Variants in OPCML observed in about 807,000 individuals in gnomAD.
OPCML encodes the protein opioid-binding protein/cell adhesion molecule.
A neutral mutation model predicts 37.8 loss-of-function variants in OPCML; 13 were observed. That is an observed-to-expected ratio of 0.34 (90% CI 0.22 to 0.55). OPCML has a LOEUF of 0.55. Among genes scored for constraint, OPCML ranks in the 20% least tolerant of loss-of-function variants. OPCML has a pLI of 0.91. For missense variants in OPCML, 341 were observed against 435.6 expected, an observed-to-expected ratio of 0.78 and a Z score of 1.93; for synonymous variants, 176 against 168.8, an observed-to-expected ratio of 1.04 and a Z score of -0.33.
At chr11:132,680,407 C>T (rs1228260197) in intron 2 of OPCML, among the ~76,000 whole-genome samples, 1 of 152,182 alleles carries the variant, frequency 6.6e-6, no homozygotes, top group Non-Finnish European at 1.5e-5. Flanking sequence ...AAACCCACCC[C>T]TTGAAGAAGT....
rs191733608 is a variant in OPCML, at chr11:133,514,909, T to C, written c.61+17355A>G. Among the ~76,000 whole-genome samples, 6 of 152,334 alleles carry C rather than the reference T, an allele frequency of 3.9e-5. No homozygotes were observed. The East Asian group carries it at 1.2e-3, about 29-fold the overall frequency. On this transcript the variant is annotated intron_variant, in intron 1 of 7. Transcript: ENST00000524381. The stretch of plus-strand genomic sequence containing the variant: ...TGCTCATTGAGAGAGTCAGTCCAGC[T>C]AAATTAATAATGCAGCTATGGTGCA...
At chr11:132,966,169 A>AC (rs1426924193) in intron 1 of OPCML, among the ~76,000 whole-genome samples, 1 of 151,944 alleles carries the variant, frequency 6.6e-6, no homozygotes, top group African/African-American at 2.4e-5. Flanking sequence ...AGGTGTTTGC[A>AC]CCTAAAAATG....
intron 2 of OPCML, among the ~76,000 whole-genome samples, chr11:132,823,098 C>T (rs926090455): frequency 3.3e-5 from 5 of 152,094 alleles, no homozygotes; most frequent in Non-Finnish European, 1.5e-5. Flanking sequence ...CAAAAGAATA[C>T]CTTACCTTAC....
At chr11:133,068,513 C>T (rs1948474944) in intron 1 of OPCML, among the ~76,000 whole-genome samples, 1 of 152,164 alleles carries the variant, frequency 6.6e-6, no homozygotes, top group South Asian at 2.1e-4. Context: ...CTCATCGCTC[C>T]CCTGTTTAGG....
At chr11:132,615,677 G>A (rs1938962938) in intron 3 of OPCML, among the ~76,000 whole-genome samples, 1 of 152,146 alleles carries the variant, frequency 6.6e-6, no homozygotes, top group African/African-American at 2.4e-5. Flanking sequence ...AGGTATTTGA[G>A]CATCTGCTGA....
intron 1 of OPCML, among the ~76,000 whole-genome samples, chr11:133,412,106 G>A (rs1945664442): frequency 6.6e-6 from 1 of 152,162 alleles, no homozygotes; most frequent in African/African-American, 2.4e-5. Context: ...AAAAGCAAGG[G>A]CAGAATACAA....
intron 2 of OPCML, among the ~76,000 whole-genome samples, chr11:132,771,444 A>G (rs1946631777): frequency 1.3e-5 from 2 of 152,330 alleles, no homozygotes; most frequent in South Asian, 2.1e-4. Flanking sequence ...TAAATAGACC[A>G]GTGACTTACT....
intron 1 of OPCML, among the ~76,000 whole-genome samples, chr11:133,354,295 GT>G: frequency 1.6e-4 from 1 of 6,106 alleles, no homozygotes; most frequent in Non-Finnish European, 3.9e-4. Flanking sequence ...GGTGGTGCTG[GT>G]GGTGGTGACG....
At chr11:133,032,163 T>C (rs1947686854) in intron 1 of OPCML, among the ~76,000 whole-genome samples, 2 of 152,306 alleles carry the variant, frequency 1.3e-5, no homozygotes, top group South Asian at 2.1e-4. Context: ...TGGGATCTGG[T>C]GGGGCTAGCC....
At chr11:133,450,760 G>A (rs1946564989) in intron 1 of OPCML, among the ~76,000 whole-genome samples, 2 of 151,496 alleles carry the variant, frequency 1.3e-5, no homozygotes, top group Non-Finnish European at 2.9e-5. Flanking sequence ...AAGAGGTGGT[G>A]GTCCTATTGG....
chr11:132,949,878 G>A lies in OPCML; in HGVS notation c.62-6868C>T, dbSNP rs74560030. Among the ~76,000 whole-genome samples the A allele has an allele frequency of 7.8e-3, 1,183 of 152,278 alleles. 8 individuals carry two copies. Among genetic ancestry groups the A allele is most frequent in the Non-Finnish European group, 9.7e-3 (659 of 68,018 alleles). On this transcript the variant is annotated intron_variant, in intron 1 of 7. Transcript: ENST00000524381. ...AAACAGATGCAAATATTTAGATTGT[G>A]CTACAAGCTATACATTAAGAAAAGG...
chr11:133,213,864 C>T (rs1374969396), intron 1 of OPCML, among the ~76,000 whole-genome samples: 1 of 152,150 alleles, frequency 6.6e-6, no homozygotes, highest in Non-Finnish European at 1.5e-5. Flanking sequence ...TACTGGGTCT[C>T]ATTTTTACTT....
intron 2 of OPCML, among the ~76,000 whole-genome samples, chr11:132,858,383 G>A (rs936844478): frequency 1.3e-5 from 2 of 152,200 alleles, no homozygotes; most frequent in African/African-American, 4.8e-5. Flanking sequence ...TCTGCCTGCA[G>A]GAGGCATGCA....
intron 2 of OPCML, among the ~76,000 whole-genome samples, chr11:132,716,482 A>C (rs1162925244): frequency 6.6e-6 from 1 of 152,086 alleles, no homozygotes; most frequent in Non-Finnish European, 1.5e-5. Flanking sequence ...CTGTCTATCT[A>C]ATCTGAAAAA....
intron 2 of OPCML, among the ~76,000 whole-genome samples, chr11:132,695,541 A>T (rs566635615): frequency 2.6e-5 from 4 of 152,218 alleles, no homozygotes; most frequent in African/African-American, 9.6e-5. Context: ...TTTCATGACC[A>T]GGCTGAATAA....
At chr11:133,529,787 G>GA (rs1408165120) in intron 1 of OPCML, among the ~76,000 whole-genome samples, 1 of 151,622 alleles carries the variant, frequency 6.6e-6, no homozygotes, top group African/African-American at 2.4e-5. Context: ...TTGAAACAAA[G>GA]AAAAAAAAGT....
chr11:133,146,278 G>A (rs912310434), intron 1 of OPCML, among the ~76,000 whole-genome samples: 1 of 151,324 alleles, frequency 6.6e-6, no homozygotes, highest in African/African-American at 2.4e-5. Context: ...AGAGTGTGGA[G>A]ATGTTCCCTG....
rs1376111052 is a variant in OPCML, at chr11:133,206,952, G to C, written c.62-263942C>G. Among the ~76,000 whole-genome samples the C allele has an allele frequency of 6.6e-6, 1 of 151,988 alleles. No homozygotes were observed. The highest frequency in any genetic ancestry group is 1.5e-5 in the Non-Finnish European group (1 of 68,008). On this transcript the variant is annotated intron_variant, in intron 1 of 7. Transcript: ENST00000524381. This position sits in a 1 kb window ranked among gnomAD's most constrained non-coding sequence, Gnocchi z 4.7. ...ATCACGTAATCCAGATGTTGCTCCT[G>C]AAATGCACTCACGTGATCTCTCAGA...
chr11:132,533,082 A>G (rs1167930889), intron 3 of OPCML, among the ~76,000 whole-genome samples: 1 of 152,194 alleles, frequency 6.6e-6, no homozygotes, highest in East Asian at 1.9e-4. Flanking sequence ...TAATAACCTT[A>G]TCTGAAATGC....
Sources: allele counts gnomAD v4.1 joint callset (sites outside exome capture counted in the v4.1 genomes callset), GRCh38; gene constraint gnomAD v4.1.1; non-coding constraint Gnocchi (gnomAD v3.1); transcripts MANE v1.5; gene names NCBI Gene and HGNC (gene_info 2026-07-23, HGNC 2026-07-21).